The following DLGAP2 variants were observed in gnomAD, a reference collection of about 807,000 sequenced individuals.
DLGAP2 encodes the protein DLG associated protein 2, also known as disks large-associated protein 2.
Under a neutral mutation model 100.3 loss-of-function variants are expected in DLGAP2, and 26 were observed. That is an observed-to-expected ratio of 0.26 (90% confidence interval 0.19 to 0.36). The LOEUF is 0.36. Among genes scored for constraint, DLGAP2 ranks in the 10% least tolerant of loss-of-function variants. The pLI is 1.00. For missense variants in DLGAP2, 1,858 were observed against 1,453.2 expected, an observed-to-expected ratio of 1.28 and a Z score of -4.53; for synonymous variants, 886 against 630.1, an observed-to-expected ratio of 1.41 and a Z score of -6.08.
At chr8:1,635,847 G>A (rs114717242) in intron 8 of DLGAP2, among the ~76,000 whole-genome samples, 97 of 152,318 alleles carry the variant, frequency 6.4e-4, no homozygotes, top group African/African-American at 2.3e-3. Flanking sequence ...GAGGTTCCCA[G>A]AGGACGTCTG....
At chr8:1,596,174 C>T (rs1796454332) in intron 6 of DLGAP2, among the ~76,000 whole-genome samples, 1 of 152,148 alleles carries the variant, frequency 6.6e-6, no homozygotes, top group Non-Finnish European at 1.5e-5. Flanking sequence ...TTTCCAGCTT[C>T]ATCCATGTCC....
intron 6 of DLGAP2, among the ~76,000 whole-genome samples, chr8:1,589,237 CT>C (rs1796218308): frequency 6.6e-6 from 1 of 152,204 alleles, no homozygotes; most frequent in African/African-American, 2.4e-5. Flanking sequence ...TCTAGGCCCC[CT>C]AGCAACCTAT....
At chr8:1,615,788 T>A (rs1326535634) in intron 6 of DLGAP2, among the ~76,000 whole-genome samples, 2 of 151,850 alleles carry the variant, frequency 1.3e-5, no homozygotes, top group East Asian at 3.9e-4. Context: ...ATGAATGACA[T>A]AAAAATATTA....
intron 2 of DLGAP2, among the ~76,000 whole-genome samples, chr8:973,006 A>G (rs1225785352): frequency 1.3e-5 from 2 of 152,230 alleles, no homozygotes; most frequent in Admixed American, 6.5e-5. Context: ...GGAGTCCCCT[A>G]TGTCTACTTC....
At chr8:925,436 G>A (rs945191297) in intron 2 of DLGAP2, among the ~76,000 whole-genome samples, 5 of 152,146 alleles carry the variant, frequency 3.3e-5, no homozygotes, top group Non-Finnish European at 5.9e-5. Context: ...TTACCTCACG[G>A]AAGGATGGTG....
intron 3 of DLGAP2, among the ~76,000 whole-genome samples, chr8:1,321,723 C>T (rs550974456): frequency 1.3e-5 from 2 of 152,286 alleles, no homozygotes; most frequent in East Asian, 1.9e-4. Flanking sequence ...TCGGCTTCCC[C>T]ATTTATAACA....
chr8:1,495,442 T>C (rs543957976), intron 3 of DLGAP2, among the ~76,000 whole-genome samples: 14 of 152,312 alleles, frequency 9.2e-5, no homozygotes, highest in African/African-American at 3.4e-4. Context: ...AGCCGGAGAC[T>C]GAGCCGGCCA....
intron 1 of DLGAP2, among the ~76,000 whole-genome samples, chr8:836,516 T>C (rs1796878920): frequency 6.6e-6 from 1 of 152,168 alleles, no homozygotes; most frequent in South Asian, 2.1e-4. Flanking sequence ...GTTCGAGGCC[T>C]GGCAGGTGCG....
chr8:1,258,605 A>T (rs60927126), intron 2 of DLGAP2, among the ~76,000 whole-genome samples: 28,750 of 151,812 alleles, frequency 0.19, 2,803 homozygotes, highest in Admixed American at 0.25. Flanking sequence ...ATTAAAAAAA[A>T]TTTTTTTTAA....
chr8:1,321,197 G>A (rs1392715165), intron 3 of DLGAP2, among the ~76,000 whole-genome samples: 10 of 151,160 alleles, frequency 6.6e-5, no homozygotes, highest in East Asian at 2.0e-4. Flanking sequence ...ACGTGTGCAC[G>A]TGCATCCATG....
In DLGAP2 at chr8:1,328,243, C is replaced by T. The variant is rs150825864; in HGVS notation, c.106+69360C>T. Among the ~76,000 whole-genome samples, 828 of 152,024 alleles carry T rather than the reference C, an allele frequency of 5.4e-3. 11 individuals carry two copies. The highest frequency in any genetic ancestry group is 0.015 in the South Asian group (72 of 4,802). On this transcript the variant is annotated intron_variant, in intron 3 of 14. Transcript: ENST00000637795. ...TTTTAGTTGAGACAGGATTTCACCT[C>T]ATTGGCCAGGCTGGTCTCAAACTCC...
At chr8:1,637,710 C>T (rs767689734) in intron 8 of DLGAP2, among the ~76,000 whole-genome samples, 19 of 152,150 alleles carry the variant, frequency 1.2e-4, no homozygotes, top group African/African-American at 2.9e-4. Context: ...GTGTGCCGGC[C>T]GCTGCGCTAA....
chr8:1,182,874 G>T (rs1797420990), intron 2 of DLGAP2, among the ~76,000 whole-genome samples: 1 of 152,246 alleles, frequency 6.6e-6, no homozygotes, highest in Admixed American at 6.5e-5. Context: ...AGCATCCAGT[G>T]AGGTGGAGCG....
intron 2 of DLGAP2, among the ~76,000 whole-genome samples, chr8:1,166,656 G>C (rs529497086): frequency 6.6e-6 from 1 of 152,018 alleles, no homozygotes; most frequent in Non-Finnish European, 1.5e-5. Flanking sequence ...TAAGCATGTC[G>C]TCTCTGTTTC....
chr8:1,690,939 C>T (rs552770661), intron 12 of DLGAP2, among the ~76,000 whole-genome samples: 4 of 152,162 alleles, frequency 2.6e-5, no homozygotes, highest in African/African-American at 7.2e-5. Context: ...GGAGGGAAGC[C>T]ACATCTTCCT....
rs142234272 is a variant in DLGAP2 at position 928,236 on chromosome 8, C to G, written c.73+20270C>G. On this transcript the variant is annotated intron_variant, in intron 2 of 14. Transcript: ENST00000637795. ...TTACGAGATTTTCCTGGACATGATT[C>G]CCTGAGGTCGAGTTTGCGTTCACTA... Among the ~76,000 whole-genome samples the G allele has an allele frequency of 3.2e-3, 482 of 152,276 alleles. 2 individuals carry two copies. Among genetic ancestry groups the G allele is most frequent in the African/African-American group, 0.011 (446 of 41,550 alleles).
At chr8:758,913 C>G (rs1049110858) in intron 1 of DLGAP2, among the ~76,000 whole-genome samples, 1 of 151,972 alleles carries the variant, frequency 6.6e-6, no homozygotes, top group African/African-American at 2.4e-5. Flanking sequence ...GCAGAAGGCA[C>G]AGAGAGTTCC....
intron 2 of DLGAP2, among the ~76,000 whole-genome samples, chr8:986,999 G>A (rs990508256): frequency 6.6e-6 from 1 of 152,178 alleles, no homozygotes; most frequent in African/African-American, 2.4e-5. Flanking sequence ...AATGTATACA[G>A]TAATCCACAA....
intron 4 of DLGAP2, among the ~76,000 whole-genome samples, chr8:1,505,071 TAAC>T (rs1300729640): frequency 6.6e-6 from 1 of 152,218 alleles, no homozygotes; most frequent in Non-Finnish European, 1.5e-5. Context: ...AACACTATCA[TAAC>T]AACATTGGGA....
Sources: allele counts gnomAD v4.1 joint callset (sites outside exome capture counted in the v4.1 genomes callset), GRCh38; gene constraint gnomAD v4.1.1; transcripts MANE v1.5; gene names NCBI Gene and HGNC (gene_info 2026-07-23, HGNC 2026-07-21).